The following CRACD variants were observed in gnomAD, a reference collection of about 807,000 sequenced individuals.
The protein encoded by CRACD is capping protein-inhibiting regulator of actin dynamics.
CRACD carries 56 observed loss-of-function variants against 106.8 expected under a neutral mutation model. The ratio of observed to expected loss-of-function variants is 0.52; its 90% CI spans 0.42 to 0.66. The LOEUF (loss-of-function observed/expected upper bound fraction) is 0.66, where lower values mean the gene tolerates loss of function less well. Among genes scored for constraint, CRACD ranks in the 30% least tolerant of loss-of-function variants. The probability of loss-of-function intolerance (pLI) is 0.00; values close to 1 mark genes in which losing one functional copy is unlikely to be tolerated. For synonymous variants in CRACD, 754 were observed against 670.8 expected (o/e 1.12, Z -1.92); for missense variants, 1,730 against 1,623.2 (o/e 1.07, Z -1.13).
chr4:56,101,653 C>T (rs1171231488), intron 1 of CRACD, among the ~76,000 whole-genome samples: 1 of 151,004 alleles, frequency 6.6e-6, no homozygotes, highest in African/African-American at 2.4e-5. Context: ...ATCCCAGCTA[C>T]TTGGGAGGCT....
intron 1 of CRACD, among the ~76,000 whole-genome samples, chr4:56,167,179 AATAGAT>A (rs1259264370): frequency 2.0e-5 from 3 of 152,248 alleles, no homozygotes; most frequent in Non-Finnish European, 4.4e-5. Flanking sequence ...TGAAATTATC[AATAGAT>A]TTATAAGTTA....
Position 56,178,055 on chromosome 4 carries a change from G to GT in CRACD, c.-335-1223dup, listed in dbSNP as rs1483767642. On this transcript the variant is annotated intron_variant, in intron 1 of 10. Coordinates refer to ENST00000682029, the MANE Select transcript of CRACD (RefSeq NM_001393381.1). ...TCTCCATCTACTAATTTTGGGTTTG[G>GT]TTTTTTCTTGCTTTTCTAGTTCTGT... is the stretch of plus-strand genomic sequence containing the variant. 7.9e-5 allele frequency among the ~76,000 whole-genome samples: 12 copies of GT among 152,126 alleles called. 1 individual carries two copies. In the South Asian group the frequency reaches 2.1e-3, roughly 26 times the overall value.
In CRACD at chr4:56,236,308, G is replaced by T. The variant is rs1347488967; in HGVS notation, c.-188-36013G>T. 2.0e-5 allele frequency among the ~76,000 whole-genome samples: 3 copies of T among 152,160 alleles called. No individual in the cohort carries two copies. The East Asian group carries it at 5.8e-4, about 29-fold the overall frequency. On this transcript the variant is annotated intron_variant, in intron 2 of 10. Transcript: ENST00000682029. ...CCTGAAGCTGGAAGAGGAAAGGAAA[G>T]ATCTTCCCCTAGGGCCTTCAGAGGG...
intron 8 of CRACD, among the ~76,000 whole-genome samples, chr4:56,321,829 C>T (rs1746125054): frequency 6.6e-6 from 1 of 152,154 alleles, no homozygotes; most frequent in Admixed American, 6.5e-5. Context: ...GTGCCCCAGG[C>T]TCATTATAAA....
At chr4:56,273,295 G>GCCTT (rs1472141593) in intron 3 of CRACD, among the ~76,000 whole-genome samples, 1 of 151,676 alleles carries the variant, frequency 6.6e-6, no homozygotes, top group Non-Finnish European at 1.5e-5. Context: ...CTGCCTGCCT[G>GCCTT]CCTTCCTTCC....
chr4:56,094,061 A>C (rs1172150847), intron 1 of CRACD, among the ~76,000 whole-genome samples: 11 of 152,216 alleles, frequency 7.2e-5, no homozygotes, highest in Admixed American at 5.2e-4. Flanking sequence ...GTTCGCATCA[A>C]TTTTAATTCA....
chr4:56,146,615 A>T (rs1170299111), intron 1 of CRACD, among the ~76,000 whole-genome samples: 1 of 142,558 alleles, frequency 7.0e-6, no homozygotes, highest in African/African-American at 2.6e-5. Flanking sequence ...TAAGATTTTT[A>T]AAAATCTCAC....
chr4:56,165,784 A>C (rs1736118312), intron 1 of CRACD, among the ~76,000 whole-genome samples: 1 of 152,262 alleles, frequency 6.6e-6, no homozygotes, highest in Non-Finnish European at 1.5e-5. Context: ...GAAATTAAAA[A>C]ATAATATTTT....
intron 3 of CRACD, among the ~76,000 whole-genome samples, chr4:56,279,678 A>G (rs536428509): frequency 6.8e-4 from 104 of 152,278 alleles, no homozygotes; most frequent in African/African-American, 2.1e-3. Context: ...AAATAGGAAC[A>G]CTTGTACACT....
At chr4:56,199,133 A>G (rs1183418612) in intron 2 of CRACD, among the ~76,000 whole-genome samples, 2 of 152,116 alleles carry the variant, frequency 1.3e-5, no homozygotes, top group Non-Finnish European at 2.9e-5. Context: ...CATATGTGTC[A>G]CAGGTGTTCC....
At chr4:56,214,377 G>C (rs1311062297) in intron 2 of CRACD, among the ~76,000 whole-genome samples, 5 of 152,166 alleles carry the variant, frequency 3.3e-5, no homozygotes, top group Admixed American at 3.3e-4. Flanking sequence ...GGCAGATCAT[G>C]AGGTCAGGAG....
chr4:56,242,000 T>A (rs1577790386), intron 2 of CRACD, among the ~76,000 whole-genome samples: 1 of 152,170 alleles, frequency 6.6e-6, no homozygotes, highest in Non-Finnish European at 1.5e-5. Context: ...TTGTTAAAAA[T>A]TTTTTATATT....
chr4:56,184,284 T>G (rs1736989796), intron 2 of CRACD, among the ~76,000 whole-genome samples: 2 of 152,208 alleles, frequency 1.3e-5, no homozygotes, highest in Non-Finnish European at 2.9e-5. Context: ...TTGGCCAGAT[T>G]GGTCTCAAAT....
chr4:56,290,408 G>A (rs1743638954), intron 3 of CRACD, among the ~76,000 whole-genome samples: 1 of 152,218 alleles, frequency 6.6e-6, no homozygotes, highest in Admixed American at 6.5e-5. Flanking sequence ...ATGAATTCAT[G>A]TTAAGTATGC....
chr4:56,307,232 T>G (rs1169163733), intron 4 of CRACD, among the ~76,000 whole-genome samples: 1 of 152,132 alleles, frequency 6.6e-6, no homozygotes, highest in Admixed American at 6.5e-5. Context: ...ATCCCAACTT[T>G]TGGTTCAGAA....
At position 56,314,887 on chromosome 4, in the gene CRACD, G is replaced by A. The variant is rs1244334454; in HGVS notation, c.1385G>A (p.Arg462Lys). The A allele has an allele frequency of 1.9e-6, 3 of 1,610,888 alleles. No individual in the cohort carries two copies. Among genetic ancestry groups the A allele is most frequent in the Non-Finnish European group, 1.7e-6 (2 of 1,179,184 alleles). ...CAGAACCCAGAGGCCGAGCGGCGAA[G>A]AGAGCAGCAGGGAAGGAGCGGGGAT... ...EEQNPEAERR[R>K]EQQGRSGDFQ... is the part of the protein sequence containing the mutation. Residue 462 changes from arginine to lysine, a missense_variant, in exon 8 of 11, where the codon AGA (arginine) becomes AAA (lysine). Transcript: ENST00000682029. The surrounding 1 kb of genome is among the most constrained non-coding windows in gnomAD (Gnocchi z 4.4).
chr4:56,161,032 T>G (rs1184862091), intron 1 of CRACD, among the ~76,000 whole-genome samples: 1 of 152,222 alleles, frequency 6.6e-6, no homozygotes, highest in Admixed American at 6.5e-5. Flanking sequence ...TACAGAAATA[T>G]TCCTCATCCT....
chr4:56,272,542 G>A (rs1168653008), intron 3 of CRACD, 50 bp downstream of exon 3: 2 of 152,498 alleles, frequency 1.3e-5, no homozygotes, highest in Non-Finnish European at 2.9e-5. Context: ...CCCAGGGTGG[G>A]GAATGGGATC....
At position 56,288,237 on chromosome 4, in the gene CRACD, A is replaced by T. The variant is rs547270568; in HGVS notation, c.-16-9977A>T. The stretch of plus-strand genomic sequence containing the variant: ...TTCCTCCTCCTGCTCTTCTTTTTTT[A>T]AAAAATTCCATTTTTATTTCAGATT... On this transcript the variant is annotated intron_variant, in intron 3 of 10. Coordinates refer to ENST00000682029, the MANE Select transcript of CRACD (RefSeq NM_001393381.1). 5.9e-5 allele frequency among the ~76,000 whole-genome samples: 9 copies of T among 151,810 alleles called. No homozygotes were observed. The East Asian group carries it at 1.4e-3, about 23-fold the overall frequency.
Sources: gnomAD v4.1 joint callset for allele counts (sites outside exome capture counted in the v4.1 genomes callset) on GRCh38, gnomAD v4.1.1 for gene constraint, Gnocchi (gnomAD v3.1) non-coding constraint, MANE v1.5 for transcripts, NCBI Gene and HGNC (gene_info 2026-07-23, HGNC 2026-07-21) for gene names.